ARFIP1: variants seen among roughly 807,000 people sequenced by gnomAD.
ARFIP1 encodes the protein ARF interacting protein 1.
In ARFIP1, 24 loss-of-function variants were observed where a neutral mutation model predicts 42.5. The observed-to-expected ratio is 0.57, with a 90% CI of 0.41 to 0.80. The LOEUF (loss-of-function observed/expected upper bound fraction) is 0.80. Among genes scored for constraint, ARFIP1 ranks in the 30% least tolerant of loss-of-function variants. ARFIP1 has a pLI of 0.00. For synonymous variants in ARFIP1, 141 were observed against 153.7 expected, an observed-to-expected ratio of 0.92 and a Z score of 0.61; for missense variants, 354 against 434.0, an observed-to-expected ratio of 0.82 and a Z score of 1.64.
intron 1 of ARFIP1, among the ~76,000 whole-genome samples, chr4:152,783,770 C>T (rs562544275): frequency 1.1e-4 from 16 of 152,102 alleles, no homozygotes; most frequent in African/African-American, 3.1e-4. Flanking sequence ...AGAAGTTTGA[C>T]AAAAAAGTGA....
Position 152,888,158 on chromosome 4 carries a change from G to T in ARFIP1, c.817G>T (p.Asp273Tyr). The change falls in exon 8 of 9, where the codon GAT becomes TAT. Residue 273 changes from aspartate (D) to tyrosine (Y), a missense_variant. By Grantham distance (160) the Asp-to-Tyr change is radical (BLOSUM62 -3). Coordinates refer to ENST00000353617, the MANE Select transcript of ARFIP1 (RefSeq NM_001025595.3). ...ARIEYDAYRT[D>Y]LEELNLGPRD... ...GATTGAATATGATGCATATCGCACT[G>T]ATTTGGAAGAACTGAATCTTGGACC... 6.2e-7 allele frequency: 1 copy of T among 1,610,404 alleles called. No individual in the cohort carries two copies. Among genetic ancestry groups the T allele is most frequent in the South Asian group, 1.1e-5 (1 of 90,420 alleles).
At chr4:152,849,875 GTGGAA>G (rs1314256830) in intron 2 of ARFIP1, among the ~76,000 whole-genome samples, 2 of 152,202 alleles carry the variant, frequency 1.3e-5, no homozygotes, top group Non-Finnish European at 1.5e-5. Flanking sequence ...GGTTGCCTGA[GTGGAA>G]TATGGGGTAT....
intron 1 of ARFIP1, among the ~76,000 whole-genome samples, chr4:152,826,152 C>G (rs1730819422): frequency 6.6e-6 from 1 of 152,136 alleles, no homozygotes; most frequent in African/African-American, 2.4e-5. Flanking sequence ...AAAAAAGTCA[C>G]TATATCAAAA....
At chr4:152,792,880 G>C (rs1731218233) in intron 1 of ARFIP1, among the ~76,000 whole-genome samples, 2 of 152,076 alleles carry the variant, frequency 1.3e-5, no homozygotes, top group African/African-American at 4.8e-5. Context: ...TAAACTTGAG[G>C]TGACAAATTC....
intron 1 of ARFIP1, among the ~76,000 whole-genome samples, chr4:152,815,318 C>T (rs1464757754): frequency 1.3e-5 from 2 of 152,116 alleles, no homozygotes; most frequent in Admixed American, 6.5e-5. Flanking sequence ...TTATGGCCCA[C>T]AGAGCTTTAG....
intron 1 of ARFIP1, among the ~76,000 whole-genome samples, chr4:152,818,321 C>G (rs1432373422): frequency 6.6e-6 from 1 of 152,226 alleles, no homozygotes; most frequent in South Asian, 2.1e-4. Context: ...ACACACACTC[C>G]CACTGGGGAA....
intron 2 of ARFIP1, among the ~76,000 whole-genome samples, chr4:152,844,472 T>C (rs964325261): frequency 1.3e-5 from 2 of 152,232 alleles, no homozygotes; most frequent in Non-Finnish European, 2.9e-5. Flanking sequence ...GTGAATTGAT[T>C]GATTGATTTA....
intron 2 of ARFIP1, among the ~76,000 whole-genome samples, chr4:152,829,983 G>A (rs1196555837): frequency 1.3e-5 from 2 of 152,002 alleles, no homozygotes; most frequent in South Asian, 2.1e-4. Flanking sequence ...GATGATTTTG[G>A]TATCTAACTT....
chr4:152,836,380 C>T (rs372543478), intron 2 of ARFIP1, among the ~76,000 whole-genome samples: 3 of 152,226 alleles, frequency 2.0e-5, no homozygotes, highest in African/African-American at 7.2e-5. Context: ...ATGGAAACCA[C>T]GTTGTACACC....
intron 1 of ARFIP1, among the ~76,000 whole-genome samples, chr4:152,813,769 A>G (rs1729655778): frequency 6.6e-6 from 1 of 152,186 alleles, no homozygotes; most frequent in African/African-American, 2.4e-5. Flanking sequence ...ATTAAGCCCC[A>G]GAAGATAATC....
intron 2 of ARFIP1, among the ~76,000 whole-genome samples, chr4:152,844,650 T>C (rs1185320123): frequency 6.6e-6 from 1 of 152,060 alleles, no homozygotes; most frequent in African/African-American, 2.4e-5. Flanking sequence ...TTAAAGAAAT[T>C]CAACATAATA....
At chr4:152,901,697 A>G (rs918067651) in intron 8 of ARFIP1, among the ~76,000 whole-genome samples, 2 of 152,096 alleles carry the variant, frequency 1.3e-5, no homozygotes, top group East Asian at 1.9e-4. Context: ...TGTTGTATTA[A>G]TATTTTATAT....
At chr4:152,784,814 A>G (rs1561093254) in intron 1 of ARFIP1, among the ~76,000 whole-genome samples, 1 of 152,396 alleles carries the variant, frequency 6.6e-6, no homozygotes, top group African/African-American at 2.4e-5. Flanking sequence ...TGTCTTTACC[A>G]TGTTCTCACC....
chr4:152,866,087 C>A (rs1279321157), intron 3 of ARFIP1, among the ~76,000 whole-genome samples: 1 of 151,980 alleles, frequency 6.6e-6, no homozygotes, highest in African/African-American at 2.4e-5. Context: ...GAGCATGTTG[C>A]CTTCAAGCAT....
chr4:152,888,093 C>A, intron 7 of ARFIP1, 40 bp from the exon 8 acceptor site: 3 of 1,516,866 alleles, frequency 2.0e-6, no homozygotes, highest in Non-Finnish European at 2.7e-6. Context: ...ACATACTTTA[C>A]TGTTCTTGTA....
intron 2 of ARFIP1, among the ~76,000 whole-genome samples, chr4:152,833,161 C>T (rs1731379798): frequency 6.6e-6 from 1 of 151,510 alleles, no homozygotes; most frequent in South Asian, 2.1e-4. Flanking sequence ...GTGTTAATAT[C>T]CAAAATATGT....
intron 4 of ARFIP1, 113 bp from the exon 5 acceptor site, chr4:152,872,337 CTT>C (rs35670437): frequency 2.9e-6 from 2 of 682,764 alleles, no homozygotes; most frequent in Non-Finnish European, 4.9e-6. Flanking sequence ...TTGTGGGAAC[CTT>C]TTTTTCTTTT....
intron 7 of ARFIP1, among the ~76,000 whole-genome samples, chr4:152,886,807 A>C (rs916417007): frequency 1.3e-5 from 2 of 151,964 alleles, no homozygotes; most frequent in Non-Finnish European, 2.9e-5. Context: ...GAAAGTGCTC[A>C]CTTGAGAATT....
chr4:152,827,215 A>G (rs1730907707), intron 1 of ARFIP1, among the ~76,000 whole-genome samples: 2 of 152,204 alleles, frequency 1.3e-5, no homozygotes, highest in African/African-American at 4.8e-5. Context: ...TTCTTTCATA[A>G]GGTCATAATT....
Sources: gnomAD v4.1 joint callset for allele counts (sites outside exome capture counted in the v4.1 genomes callset) on GRCh38, gnomAD v4.1.1 for gene constraint, MANE v1.5 for transcripts, NCBI Gene and HGNC (gene_info 2026-07-23, HGNC 2026-07-21) for gene names.